The following OR56A3 variants were observed in gnomAD, a reference collection of about 807,000 sequenced individuals.
OR56A3 encodes olfactory receptor 56A3.
OR56A3 carries 23 observed loss-of-function variants against 17.5 expected under a neutral mutation model. That is an observed-to-expected ratio of 1.32 (90% CI 0.95 to 1.87). The LOEUF is 1.87. OR56A3 is among the 40% of genes most tolerant of loss of function. The pLI is 0.00. For synonymous variants in OR56A3, 175 were observed against 150.6 expected (o/e 1.16, Z -1.19); for missense variants, 366 against 380.1 (o/e 0.96, Z 0.31).
At chr11:6,011,807 G>A in the OR56A3 span, among the ~76,000 whole-genome samples, 1 of 152,184 alleles carries the variant, frequency 6.6e-6, no homozygotes, top group South Asian at 2.1e-4. Context: ...GCGAGCATGG[G>A]GTCTGGCCAC....
At chr11:5,996,506 GT>G in the OR56A3 span, among the ~76,000 whole-genome samples, 31,560 of 143,328 alleles carry the variant, frequency 0.22, 3,944 homozygotes, top group Admixed American at 0.33. Flanking sequence ...AACCAGTGAA[GT>G]TTTTTTTTTT....
the OR56A3 span, chr11:6,002,396 C>G: frequency 4.3e-6 from 7 of 1,614,198 alleles, no homozygotes; most frequent in East Asian, 1.1e-4. Context: ...ACTGGTAGAG[C>G]TGATTGAAAG....
At chr11:6,005,568 C>T in the OR56A3 span, among the ~76,000 whole-genome samples, 4 of 152,188 alleles carry the variant, frequency 2.6e-5, no homozygotes, top group Admixed American at 2.0e-4. Context: ...TAGATGGTGT[C>T]TTAGACCACT....
the OR56A3 span, chr11:6,006,449 G>A: frequency 6.6e-6 from 1 of 152,180 alleles, no homozygotes. Flanking sequence ...CATTCTAGGT[G>A]TCAATGAGCA....
the OR56A3 span, among the ~76,000 whole-genome samples, chr11:5,992,861 T>C: frequency 6.6e-6 from 1 of 152,164 alleles, no homozygotes; most frequent in Admixed American, 6.5e-5. Context: ...AGCCACAATC[T>C]CCTTGGGAAT....
chr11:5,962,178 A>T, the OR56A3 span, among the ~76,000 whole-genome samples: 2 of 152,116 alleles, frequency 1.3e-5, no homozygotes, highest in African/African-American at 4.8e-5. Context: ...TGTTAATGTG[A>T]TGTATTACAT....
chr11:5,986,501 T>C, the OR56A3 span: 1 of 1,613,800 alleles, frequency 6.2e-7, no homozygotes, highest in Admixed American at 1.7e-5. Context: ...GGGTGACAAA[T>C]GGCTACATAG....
At chr11:5,967,525 C>G in the OR56A3 span, 362 of 1,439,348 alleles carry the variant, frequency 2.5e-4, no homozygotes, top group African/African-American at 4.6e-3. Context: ...TTTCTGTTTT[C>G]AAGGTCAGGT....
the OR56A3 span, chr11:5,967,863 C>G: frequency 3.2e-6 from 5 of 1,571,258 alleles, no homozygotes; most frequent in Admixed American, 9.4e-5. Context: ...GAGGTCAGAG[C>G]CCAGCAGGGT....
downstream of OR56A3, among the ~76,000 whole-genome samples, chr11:5,952,076 A>G (rs1161316004): frequency 6.6e-6 from 1 of 152,252 alleles, no homozygotes; most frequent in Non-Finnish European, 1.5e-5. Flanking sequence ...AACTTATATA[A>G]TACATCAACT....
At chr11:5,947,197 T>A in intron 2 of OR56A3, 114 bp from the exon 3 acceptor site, 1 of 673,190 alleles carries the variant, frequency 1.5e-6, no homozygotes, top group South Asian at 2.0e-5. Flanking sequence ...AACAGATGAA[T>A]TCGCTTGGCT....
the OR56A3 span, among the ~76,000 whole-genome samples, chr11:5,961,403 G>C: frequency 6.6e-6 from 1 of 152,190 alleles, no homozygotes; most frequent in Non-Finnish European, 1.5e-5. Context: ...TTCTGTACTA[G>C]GAAAAATTCT....
At chr11:6,000,200 C>T in the OR56A3 span, 1 of 152,208 alleles carries the variant, frequency 6.6e-6, no homozygotes, top group Admixed American at 6.5e-5. Context: ...ATAGCAAAGA[C>T]TTGGAACCAA....
chr11:5,967,380 G>C, the OR56A3 span, among the ~76,000 whole-genome samples: 1 of 152,202 alleles, frequency 6.6e-6, no homozygotes, highest in East Asian at 1.9e-4. Context: ...TCCAGTCAGT[G>C]AAACAGAAAG....
the OR56A3 span, among the ~76,000 whole-genome samples, chr11:5,972,426 G>A: frequency 6.6e-6 from 1 of 152,062 alleles, no homozygotes; most frequent in African/African-American, 2.4e-5. Flanking sequence ...GGGTCTCCTG[G>A]CCCAACACAG....
rs1392326611 is a variant in OR56A3, at chr11:5,950,437, ATT to A, written c.*2145_*2146del. 6.6e-6 allele frequency: 1 copy of A among 152,176 alleles called. No individual in the cohort carries two copies. Among genetic ancestry groups the A allele is most frequent in the Non-Finnish European group, 1.5e-5 (1 of 67,984 alleles). The allele number at this position is 152,176 out of a possible 1,614,324, so 9.4% of individuals were successfully genotyped here. On this transcript the variant is annotated 3_prime_UTR_variant, in exon 3 of 3. Transcript: ENST00000641160. ...CTTCACTTATATGTAATTTTTAGAC[ATT>A]TATAAACAATGTCAAAACAATATCG...
chr11:5,968,551 G>C, the OR56A3 span: 2 of 1,205,636 alleles, frequency 1.7e-6, no homozygotes, highest in Non-Finnish European at 2.4e-6. Context: ...TAAGACACAG[G>C]AATTAGAAAT....
At chr11:5,956,294 T>C (rs1158922343), downstream of OR56A3, among the ~76,000 whole-genome samples, 1 of 152,248 alleles carries the variant, frequency 6.6e-6, no homozygotes, top group Non-Finnish European at 1.5e-5. Flanking sequence ...TATTTTCACA[T>C]TAAAAATCAA....
At chr11:5,968,462 TG>T in the OR56A3 span, 2 of 1,563,018 alleles carry the variant, frequency 1.3e-6, no homozygotes, top group Non-Finnish European at 1.7e-6. Context: ...ATTCAAAGAC[TG>T]GGGAAGTGGA....
Sources: gnomAD v4.1 joint callset for allele counts (sites outside exome capture counted in the v4.1 genomes callset) on GRCh38, gnomAD v4.1.1 for gene constraint, MANE v1.5 for transcripts, NCBI Gene and HGNC (gene_info 2026-07-23, HGNC 2026-07-21) for gene names.